Variants in BDP1 observed in about 807,000 individuals in gnomAD.
BDP1 encodes transcription factor TFIIIB component B'' homolog.
A neutral mutation model predicts 266.6 loss-of-function variants in BDP1; 169 were observed. The ratio of observed to expected loss-of-function variants is 0.63; its 90% confidence interval spans 0.56 to 0.72. The LOEUF (loss-of-function observed/expected upper bound fraction) is 0.72. BDP1 is among the 30% of genes least tolerant of loss of function. BDP1 has a pLI of 0.00. For synonymous variants in BDP1, 1,090 were observed against 1,022.4 expected (o/e 1.07, Z -1.26); for missense variants, 3,015 against 3,053.8 (o/e 0.99, Z 0.30).
intron 34 of BDP1, among the ~76,000 whole-genome samples, chr5:71,549,857 TAAC>T (rs1742619298): frequency 6.6e-6 from 1 of 152,224 alleles, no homozygotes; most frequent in Admixed American, 6.5e-5. Flanking sequence ...CTAAAAAAAT[TAAC>T]AGTCTAGATC....
downstream of BDP1, among the ~76,000 whole-genome samples, chr5:71,571,814 G>A (rs1435617003): frequency 6.6e-6 from 1 of 151,984 alleles, no homozygotes; most frequent in Non-Finnish European, 1.5e-5. Context: ...TAGAGGTGGG[G>A]TTTCACCATG....
downstream of BDP1, among the ~76,000 whole-genome samples, chr5:71,572,058 C>T (rs945160816): frequency 8.5e-5 from 13 of 152,126 alleles, no homozygotes; most frequent in Admixed American, 5.2e-4. Flanking sequence ...TCCCTGGCCC[C>T]GGCTCCTTGA....
chr5:71,519,518 A>G (rs1765392167), intron 22 of BDP1, among the ~76,000 whole-genome samples: 1 of 152,038 alleles, frequency 6.6e-6, no homozygotes, highest in South Asian at 2.1e-4. Flanking sequence ...CCTCCATGAG[A>G]TCCACTTTTT....
intron 33 of BDP1, 138 bp downstream of exon 33, chr5:71,548,883 C>G: frequency 3.0e-6 from 2 of 672,942 alleles, no homozygotes. Context: ...ATAGAAACAC[C>G]TTGAAGTATT....
chr5:71,575,090 G>A, the BDP1 span, among the ~76,000 whole-genome samples: 1 of 152,132 alleles, frequency 6.6e-6, no homozygotes, highest in African/African-American at 2.4e-5. Context: ...GCCTTATGTC[G>A]CAAATACAGC....
chr5:71,523,458 C>T (rs895255441), intron 24 of BDP1, among the ~76,000 whole-genome samples: 5 of 152,100 alleles, frequency 3.3e-5, no homozygotes, highest in African/African-American at 4.8e-5. Context: ...GGATTACAGG[C>T]GTGCACCACC....
chr5:71,574,884 T>A, the BDP1 span, among the ~76,000 whole-genome samples: 2 of 152,162 alleles, frequency 1.3e-5, no homozygotes, highest in Admixed American at 6.5e-5. Flanking sequence ...GTAATACAAA[T>A]TAAAGGAAAG....
At position 71,496,604 on chromosome 5, in the gene BDP1, C is replaced by T. The variant is rs575412774; in HGVS notation, c.1800-666C>T. ...AGGTGCTCGCCACCACATCCAGAGA[C>T]GGAGTCTTGCTCTTGTCACCCAGGC... On this transcript the variant is annotated intron_variant, in intron 12 of 38. Coordinates refer to ENST00000358731, the MANE Select transcript of BDP1 (RefSeq NM_018429.3). Among the ~76,000 whole-genome samples the T allele has an allele frequency of 7.3e-4, 111 of 152,104 alleles. 1 individual carries two copies. Among genetic ancestry groups the T allele is most frequent in the Admixed American group, 5.4e-3 (83 of 15,274 alleles).
chr5:71,536,580 A>G (rs1766610574), intron 26 of BDP1, among the ~76,000 whole-genome samples: 1 of 152,254 alleles, frequency 6.6e-6, no homozygotes. Flanking sequence ...GCTCATGCCT[A>G]TAATCTCAGT....
chr5:71,482,512 A>G (rs1003630118), intron 7 of BDP1, among the ~76,000 whole-genome samples: 2 of 152,220 alleles, frequency 1.3e-5, no homozygotes, highest in Non-Finnish European at 2.9e-5. Context: ...TGCCAAGGCC[A>G]GAAGTGGAAA....
chr5:71,570,785 C>T (rs1260817263), downstream of BDP1, among the ~76,000 whole-genome samples: 1 of 152,176 alleles, frequency 6.6e-6, no homozygotes, highest in Non-Finnish European at 1.5e-5. Flanking sequence ...ATCATAGTGG[C>T]TGCATCAGCT....
chr5:71,489,669 A>G lies in BDP1; in HGVS notation c.1479A>G (p.Gly493=). The G allele has an allele frequency of 3.7e-6, 6 of 1,604,138 alleles. No individual in the cohort carries two copies. The highest frequency in any genetic ancestry group is 5.1e-6 in the Non-Finnish European group (6 of 1,177,460). ...NATVQAGPSK[G]EKHKNKCQAI... Reference sequence around the variant, plus strand: ...CTGTTCAGGCGGGTCCTTCTAAAGGAGAAAAACACAAGAGTAAGTTTCTTA... The same window carrying G: ...CTGTTCAGGCGGGTCCTTCTAAAGGGGAAAAACACAAGAGTAAGTTTCTTA... Residue 493 remains glycine, a synonymous_variant, in exon 10 of 39, where the codon GGA becomes GGG. Coordinates refer to ENST00000358731, the MANE Select transcript of BDP1 (RefSeq NM_018429.3).
rs532270532 is a variant in BDP1 at position 71,547,088 on chromosome 5, A to G, written c.6745-1594A>G. ...GGCTGGTCTTGAGCTCCTGGCCTCA[A>G]ATGATCTGCCCACCTCAGCCTCCCA... On this transcript the variant is annotated intron_variant, in intron 32 of 38. Coordinates refer to ENST00000358731, the MANE Select transcript of BDP1 (RefSeq NM_018429.3). Among the ~76,000 whole-genome samples, 104 of 152,078 alleles carry G rather than the reference A, an allele frequency of 6.8e-4. 1 individual carries two copies. The highest frequency in any genetic ancestry group is 2.3e-3 in the African/African-American group (95 of 41,498).
chr5:71,561,685 T>TG (rs1743662842), intron 37 of BDP1, among the ~76,000 whole-genome samples: 1 of 152,198 alleles, frequency 6.6e-6, no homozygotes, highest in South Asian at 2.1e-4. Context: ...CATACTGTGC[T>TG]GACCACTGTT....
At chr5:71,553,961 G>A (rs1037687374) in intron 35 of BDP1, among the ~76,000 whole-genome samples, 8 of 152,092 alleles carry the variant, frequency 5.3e-5, no homozygotes, top group African/African-American at 1.7e-4. Flanking sequence ...AGGGAAGTCC[G>A]GCCAGACCAT....
chr5:71,526,673 A>C (rs961049673), intron 25 of BDP1, among the ~76,000 whole-genome samples: 17 of 142,234 alleles, frequency 1.2e-4, no homozygotes, highest in East Asian at 2.1e-4. Context: ...AAAATTTACT[A>C]TCTCTCTCTC....
chr5:71,568,201 G>A (rs569446175), downstream of BDP1, among the ~76,000 whole-genome samples: 1 of 152,108 alleles, frequency 6.6e-6, no homozygotes, highest in Non-Finnish European at 1.5e-5. Context: ...AAAGCTGTAG[G>A]AGTCTGCAAT....
chr5:71,474,472 C>T (rs756953298), intron 7 of BDP1, among the ~76,000 whole-genome samples: 18 of 151,932 alleles, frequency 1.2e-4, no homozygotes, highest in Non-Finnish European at 2.4e-4. Context: ...TAGGTGCACA[C>T]CACTAACACC....
At chr5:71,526,133 C>A (rs1248363680) in intron 25 of BDP1, among the ~76,000 whole-genome samples, 1 of 152,216 alleles carries the variant, frequency 6.6e-6, no homozygotes, top group Admixed American at 6.5e-5. Context: ...CGCCACTGCA[C>A]TCCAGCCTGG....
Sources: allele counts gnomAD v4.1 joint callset (sites outside exome capture counted in the v4.1 genomes callset), GRCh38; gene constraint gnomAD v4.1.1; transcripts MANE v1.5; gene names NCBI Gene and HGNC (gene_info 2026-07-23, HGNC 2026-07-21).